Variants in HECW1 observed in about 807,000 individuals in gnomAD.
HECW1 encodes the protein HECT, C2 and WW domain containing E3 ubiquitin protein ligase 1.
Under a neutral mutation model 182.3 loss-of-function variants are expected in HECW1, and 61 were observed. The observed-to-expected ratio is 0.33, with a 90% CI of 0.27 to 0.41. HECW1 has a LOEUF of 0.41. Ranked by LOEUF, HECW1 falls within the 10% of genes least tolerant of loss-of-function variation. The pLI is 1.00. For missense variants in HECW1, 1,739 were observed against 2,108.9 expected (o/e 0.82, Z 3.44); for synonymous variants, 859 against 832.6 (o/e 1.03, Z -0.55).
chr7:43,170,463 T>G (rs1473217669), intron 2 of HECW1, among the ~76,000 whole-genome samples: 1 of 152,106 alleles, frequency 6.6e-6, no homozygotes, highest in African/African-American at 2.4e-5. Flanking sequence ...CAGTCACATA[T>G]GAGTTGGGAC....
intron 24 of HECW1, among the ~76,000 whole-genome samples, chr7:43,523,552 T>C (rs1406596971): frequency 6.6e-6 from 1 of 151,942 alleles, no homozygotes; most frequent in South Asian, 2.1e-4. Flanking sequence ...AGCAGGAGAA[T>C]TGCTTGAACC....
At chr7:43,391,586 C>A (rs748710788) in intron 6 of HECW1, among the ~76,000 whole-genome samples, 1 of 152,112 alleles carries the variant, frequency 6.6e-6, no homozygotes, top group Non-Finnish European at 1.5e-5. Context: ...CTCAAGTGTC[C>A]CTGAGGTTGG....
intron 5 of HECW1, among the ~76,000 whole-genome samples, chr7:43,339,660 T>C (rs1812720561): frequency 6.6e-6 from 1 of 152,208 alleles, no homozygotes; most frequent in Admixed American, 6.5e-5. Context: ...TGAGTTACTT[T>C]AGGTGATGAC....
rs373091000 is a variant in HECW1 at position 43,218,848 on chromosome 7, C to T, written c.-31-25027C>T. On this transcript the variant is annotated intron_variant, in intron 2 of 29. Transcript: ENST00000395891. Reference sequence around the variant, plus strand: ...ATTTAGATAAAATGACACGGACACACGTGGAGTGGTTTTAAGGAGCAGAGG... The same window carrying T: ...ATTTAGATAAAATGACACGGACACATGTGGAGTGGTTTTAAGGAGCAGAGG... Among the ~76,000 whole-genome samples the T allele has an allele frequency of 1.5e-4, 23 of 152,122 alleles. 1 individual carries two copies. The highest frequency in any genetic ancestry group is 4.6e-4 in the African/African-American group (19 of 41,492).
intron 8 of HECW1, among the ~76,000 whole-genome samples, chr7:43,435,177 T>C (rs2076672316): frequency 6.6e-6 from 1 of 151,352 alleles, no homozygotes; most frequent in South Asian, 2.1e-4. Context: ...TTTAGAAAAG[T>C]TAAACTATTA....
rs375319269 is a variant in HECW1, at chr7:43,124,307, G to T, written c.-32+9916G>T. ...ATAAATTCGCAAATAGCTTTTGAGG[G>T]ATCCAGATATTTTATTTTTCAAATC... On this transcript the variant is annotated intron_variant, in intron 2 of 29. Transcript: ENST00000395891. Among the ~76,000 whole-genome samples the T allele has an allele frequency of 5.9e-5, 9 of 152,304 alleles. No homozygotes were observed. In the East Asian group the frequency reaches 1.7e-3, roughly 29 times the overall value.
intron 10 of HECW1, among the ~76,000 whole-genome samples, chr7:43,443,529 A>G (rs921922595): frequency 6.6e-6 from 1 of 152,226 alleles, no homozygotes; most frequent in African/African-American, 2.4e-5. Context: ...GCACTAATGC[A>G]TTTGAAATGG....
At chr7:43,358,101 C>T (rs17172202) in intron 5 of HECW1, among the ~76,000 whole-genome samples, 15,542 of 152,090 alleles carry the variant, frequency 0.1, 1,047 homozygotes, top group East Asian at 0.22. Flanking sequence ...GTTTGGGATT[C>T]CTGGTACCTA....
At chr7:43,355,517 GT>G (rs774884673) in intron 5 of HECW1, among the ~76,000 whole-genome samples, 1 of 151,896 alleles carries the variant, frequency 6.6e-6, no homozygotes, top group Non-Finnish European at 1.5e-5. Flanking sequence ...AAGATAAGTT[GT>G]CATCTCCTTA....
At chr7:43,392,602 C>G (rs1009522746) in intron 6 of HECW1, among the ~76,000 whole-genome samples, 3 of 152,190 alleles carry the variant, frequency 2.0e-5, no homozygotes, top group Non-Finnish European at 2.9e-5. Context: ...TAGCTGCTTA[C>G]CTCTGGGAAC....
intron 8 of HECW1, among the ~76,000 whole-genome samples, chr7:43,417,507 T>A (rs546687649): frequency 1.3e-5 from 2 of 152,258 alleles, no homozygotes; most frequent in East Asian, 3.9e-4. Flanking sequence ...ATTTTCTCTG[T>A]GGATATTTTC....
At chr7:43,500,612 G>A (rs2079309958) in intron 19 of HECW1, 87 bp from the exon 20 acceptor site, 5 of 1,067,660 alleles carry the variant, frequency 4.7e-6, no homozygotes, top group African/African-American at 4.7e-5. Context: ...AGCAGTATTG[G>A]AAGAGGAAAT....
intron 17 of HECW1, among the ~76,000 whole-genome samples, chr7:43,485,110 A>G (rs2078580426): frequency 6.6e-6 from 1 of 152,172 alleles, no homozygotes; most frequent in African/African-American, 2.4e-5. Context: ...TACACACCGA[A>G]AAAAAAGCTT....
At chr7:43,403,888 A>G (rs190057765) in intron 7 of HECW1, among the ~76,000 whole-genome samples, 2 of 152,290 alleles carry the variant, frequency 1.3e-5, no homozygotes, top group Admixed American at 6.5e-5. Context: ...TTTTCATTCT[A>G]TATTTTTAAG....
At chr7:43,130,452 T>C (rs1275367208) in intron 2 of HECW1, among the ~76,000 whole-genome samples, 1 of 152,206 alleles carries the variant, frequency 6.6e-6, no homozygotes, top group African/African-American at 2.4e-5. Flanking sequence ...GGTGTCACTA[T>C]CTCAGGCACC....
chr7:43,327,364 A>T (rs1211159114), intron 5 of HECW1, among the ~76,000 whole-genome samples: 2 of 152,140 alleles, frequency 1.3e-5, no homozygotes, highest in Non-Finnish European at 2.9e-5. Context: ...CTGCCCACCC[A>T]CTTTAGCACT....
rs60274523 is a variant in HECW1, at chr7:43,296,520, G to A, written c.28-15243G>A. ...CTCTGAACTTGGCGGCGCAGCTGTG[G>A]ACGCAGCTGCGGAAGCCTCAAGTTG... On this transcript the variant is annotated intron_variant, in intron 3 of 29. Coordinates refer to ENST00000395891, the MANE Select transcript of HECW1 (RefSeq NM_015052.5). Among the ~76,000 whole-genome samples the A allele has an allele frequency of 2.1e-3, 315 of 152,284 alleles. 1 individual carries two copies. Among genetic ancestry groups the A allele is most frequent in the African/African-American group, 7.4e-3 (307 of 41,554 alleles).
intron 13 of HECW1, among the ~76,000 whole-genome samples, chr7:43,457,817 A>T (rs758836506): frequency 2.6e-5 from 4 of 152,140 alleles, no homozygotes; most frequent in Non-Finnish European, 5.9e-5. Context: ...CAAAAAAATA[A>T]AAATGAACTT....
At chr7:43,198,788 T>A (rs1356629627) in intron 2 of HECW1, among the ~76,000 whole-genome samples, 1 of 151,662 alleles carries the variant, frequency 6.6e-6, no homozygotes, top group African/African-American at 2.4e-5. Context: ...CACTCCACAC[T>A]CACGTGCACA....
Sources: gnomAD v4.1 joint callset for allele counts (sites outside exome capture counted in the v4.1 genomes callset) on GRCh38, gnomAD v4.1.1 for gene constraint, MANE v1.5 for transcripts, NCBI Gene and HGNC (gene_info 2026-07-23, HGNC 2026-07-21) for gene names.